The following NMNAT1 variants were observed in gnomAD, a reference collection of about 807,000 sequenced individuals.
NMNAT1 encodes the protein nicotinamide/nicotinic acid mononucleotide adenylyltransferase 1.
In NMNAT1, 11 loss-of-function variants were observed where a neutral mutation model predicts 16.7. That is an observed-to-expected ratio of 0.66 (90% CI 0.41 to 1.09). The LOEUF is 1.09. Ranked by LOEUF, NMNAT1 falls within the 50% of genes least tolerant of loss-of-function variation. The pLI, the probability that NMNAT1 is intolerant of heterozygous loss-of-function variation, is 0.00. For missense variants in NMNAT1, 280 were observed against 332.3 expected (o/e 0.84, Z 1.22); for synonymous variants, 110 against 119.8 (o/e 0.92, Z 0.53).
At chr1:9,968,172 C>T (rs1229270361) in intron 1 of NMNAT1, among the ~76,000 whole-genome samples, 4 of 145,946 alleles carry the variant, frequency 2.7e-5, no homozygotes, top group South Asian at 2.2e-4. Flanking sequence ...CCTGGGTTCA[C>T]GCCGTTCTCC....
intron 3 of NMNAT1, among the ~76,000 whole-genome samples, chr1:9,976,358 C>G (rs1304958795): frequency 2.6e-5 from 4 of 151,708 alleles, no homozygotes. Context: ...ATAGAGGAAG[C>G]CTGCCTGGGC....
intron 2 of NMNAT1, among the ~76,000 whole-genome samples, chr1:9,974,681 C>G (rs1641766990): frequency 6.6e-6 from 1 of 152,062 alleles, no homozygotes; most frequent in Non-Finnish European, 1.5e-5. Context: ...AGCCACCGCG[C>G]CTGGCCTAAT....
chr1:9,988,811 G>A (rs367671893), downstream of NMNAT1, among the ~76,000 whole-genome samples: 23 of 150,600 alleles, frequency 1.5e-4, no homozygotes, highest in African/African-American at 3.7e-4. Flanking sequence ...GATCACAGGC[G>A]TGTGCCACCA....
At chr1:9,942,951 G>C (rs1391518105), upstream of NMNAT1, 1 of 354,170 alleles carries the variant, frequency 2.8e-6, no homozygotes, top group South Asian at 2.1e-5. Context: ...TAGCGAGGCC[G>C]AGAGGGTCTT....
chr1:9,994,302 G>A, the NMNAT1 span, among the ~76,000 whole-genome samples: 20 of 151,220 alleles, frequency 1.3e-4, no homozygotes, highest in Admixed American at 7.3e-4. Context: ...TAGTAGAGAC[G>A]GGGTTTCACC....
downstream of NMNAT1, among the ~76,000 whole-genome samples, chr1:9,989,384 G>C (rs1054120304): frequency 1.3e-5 from 2 of 152,006 alleles, no homozygotes; most frequent in Admixed American, 1.3e-4. Flanking sequence ...CTTCAACCCA[G>C]GAGGCGGAGG....
chr1:9,951,126 C>T (rs1641099366), intron 1 of NMNAT1: 2 of 151,062 alleles, frequency 1.3e-5, no homozygotes, highest in African/African-American at 4.9e-5. Context: ...GCTTAATATT[C>T]TCCTTGCAAC....
In NMNAT1 at chr1:9,982,570, C is replaced by T. The variant is rs375110174; in HGVS notation, c.709C>T (p.Arg237Cys). 78 of 1,614,152 alleles carry T rather than the reference C, an allele frequency of 4.8e-5. No individual in the cohort carries two copies. The highest frequency in any genetic ancestry group is 3.1e-4 in the East Asian group (14 of 44,888). ...AGCCCTCAGAAGGGGCCAGAGCATTCGCTACTTGGTACCAGATCTTGTCCA... is the reference window on the plus strand; with the variant it reads ...AGCCCTCAGAAGGGGCCAGAGCATTTGCTACTTGGTACCAGATCTTGTCCA... ...RRALRRGQSI[R>C]YLVPDLVQEY... The change falls in exon 5 of 5, where the codon CGC (arginine) becomes TGC (cysteine). Residue 237 changes from arginine (R) to cysteine (C), a missense_variant. Coordinates refer to ENST00000377205, the MANE Select transcript of NMNAT1 (RefSeq NM_022787.4).
At chr1:9,961,913 C>T (rs754622640) in intron 1 of NMNAT1, among the ~76,000 whole-genome samples, 42 of 152,128 alleles carry the variant, frequency 2.8e-4, no homozygotes, top group Non-Finnish European at 2.2e-4. Context: ...GGATTATGGG[C>T]ATGTGCCACC....
intron 1 of NMNAT1, among the ~76,000 whole-genome samples, chr1:9,948,731 C>T (rs946023423): frequency 6.6e-6 from 1 of 151,342 alleles, no homozygotes. Flanking sequence ...CTCACTGCAA[C>T]CTCCGCCTCC....
chr1:9,988,117 C>A (rs1051144311), downstream of NMNAT1, among the ~76,000 whole-genome samples: 2 of 151,976 alleles, frequency 1.3e-5, no homozygotes, highest in East Asian at 3.9e-4. Context: ...CCTGCCTCAG[C>A]TTCCCGAGTA....
rs1402879404 is a variant in NMNAT1, at chr1:9,981,047, T to C, written c.316T>C (p.Leu106=). Residue 106 remains leucine (L), a synonymous_variant, in exon 4 of 5, where the codon TTG becomes CTG. Transcript: ENST00000377205. Reference sequence around the variant, plus strand: ...GTTTTATAGACACCATCAAGAGAAATTGGAGGCTAGTGACTGTGATCACCA... The same window carrying C: ...GTTTTATAGACACCATCAAGAGAAACTGGAGGCTAGTGACTGTGATCACCA... ...LKVLRHHQEK[L]EASDCDHQQN... is the part of the protein sequence containing the mutation. 1.9e-6 allele frequency: 3 copies of C among 1,607,276 alleles called. No individual in the cohort carries two copies. The highest frequency in any genetic ancestry group is 2.5e-6 in the Non-Finnish European group (3 of 1,178,394).
chr1:9,949,410 C>CTTTTTT (rs35755485), intron 1 of NMNAT1, among the ~76,000 whole-genome samples: 19 of 118,094 alleles, frequency 1.6e-4, no homozygotes, highest in Non-Finnish European at 2.7e-4. Context: ...TCTTCCACTG[C>CTTTTTT]TTTTTTTTTT....
At chr1:9,980,495 C>T (rs1030181100) in intron 3 of NMNAT1, among the ~76,000 whole-genome samples, 2 of 150,968 alleles carry the variant, frequency 1.3e-5, no homozygotes, top group Non-Finnish European at 2.9e-5. Flanking sequence ...TGGTGGTGCG[C>T]CCCTGTAATC....
chr1:9,950,042 T>C (rs1641071686), intron 1 of NMNAT1: 1 of 152,116 alleles, frequency 6.6e-6, no homozygotes, highest in Non-Finnish European at 1.5e-5. Context: ...AGCGGAACTG[T>C]TTCTTTTTAT....
intron 4 of NMNAT1, among the ~76,000 whole-genome samples, chr1:9,982,074 G>T (rs1001155861): frequency 6.6e-5 from 10 of 152,058 alleles, no homozygotes; most frequent in Non-Finnish European, 1.3e-4. Context: ...TGTTGGTCAG[G>T]CTGGTCTCAA....
intron 3 of NMNAT1, among the ~76,000 whole-genome samples, chr1:9,977,052 G>A (rs989801086): frequency 2.6e-5 from 4 of 151,246 alleles, no homozygotes; most frequent in South Asian, 2.1e-4. Context: ...GATTACAGGC[G>A]CCTGCCACCA....
At chr1:9,970,689 C>CAAA (rs550486839) in intron 1 of NMNAT1, among the ~76,000 whole-genome samples, 1 of 84,324 alleles carries the variant, frequency 1.2e-5, no homozygotes, top group African/African-American at 4.6e-5. Context: ...ACTCCCGTCT[C>CAAA]AAAAAAAAAA....
At chr1:9,943,860 C>T (rs1451312631) in intron 1 of NMNAT1, among the ~76,000 whole-genome samples, 1 of 152,144 alleles carries the variant, frequency 6.6e-6, no homozygotes, top group Non-Finnish European at 1.5e-5. Context: ...CTCCTAAATC[C>T]TTCTTTCCAA....
Sources: gnomAD v4.1 joint callset for allele counts (sites outside exome capture counted in the v4.1 genomes callset) on GRCh38, gnomAD v4.1.1 for gene constraint, MANE v1.5 for transcripts, NCBI Gene and HGNC (gene_info 2026-07-23, HGNC 2026-07-21) for gene names.